The following XIST variants were observed in gnomAD, a reference collection of about 807,000 sequenced individuals.
XIST encodes X inactive specific transcript (non-protein coding).
intron 2 of XIST, among the ~76,000 whole-genome samples, chrX:73,835,523 T>G (rs1922467560): frequency 8.9e-6 from 1 of 112,281 alleles, no homozygotes; most frequent in Non-Finnish European, 1.9e-5. Context: ...TGCATTTTAG[T>G]TATCTATTAA....
At position 73,843,113 on chromosome X, in the gene XIST, A is replaced by G. The variant is rs779798010; in HGVS notation, n.9611T>C. On this transcript the variant is annotated non_coding_transcript_exon_variant, in exon 1 of 6. Transcript: ENST00000429829. ...GGTGGGGCGCTTGCTTAACAAGGTC[A>G]GGGAGGGAGAAAACCATTGATAACT... The G allele has an allele frequency of 9.0e-6, 5 of 558,387 alleles. No individual in the cohort carries two copies. The Admixed American group carries it at 1.1e-4, about 12-fold the overall frequency. The allele number at this position is 558,387 out of a possible 1,213,427, so 46.0% of individuals were successfully genotyped here.
chrX:73,831,418 C>T, intron 3 of XIST: 1 of 351,363 alleles, frequency 2.8e-6, no homozygotes, highest in Non-Finnish European at 4.9e-6. Flanking sequence ...TTGTGCGGAG[C>T]TGTTATATTC....
intron 1 of XIST, among the ~76,000 whole-genome samples, chrX:73,839,072 C>A (rs758121817): frequency 1.8e-5 from 2 of 111,495 alleles, no homozygotes; most frequent in African/African-American, 6.5e-5. Context: ...AATATTTTAG[C>A]AGTCAACAAA....
At chrX:73,827,319 G>A (rs1285740149) in exon 6 of XIST, 1 of 558,385 alleles carries the variant, frequency 1.8e-6, no homozygotes, top group South Asian at 2.2e-5. Context: ...GCCCACATAT[G>A]CAAAGAAATA....
intron 1 of XIST, among the ~76,000 whole-genome samples, chrX:73,839,074 G>A (rs1922541105): frequency 9.0e-6 from 1 of 111,425 alleles, no homozygotes; most frequent in Non-Finnish European, 1.9e-5. Context: ...TATTTTAGCA[G>A]TCAACAAAGG....
chrX:73,845,297 G>A (rs1223545635), exon 1 of XIST: 1 of 555,106 alleles, frequency 1.8e-6, no homozygotes, highest in South Asian at 2.2e-5. Flanking sequence ...ACACATAACA[G>A]GCCAGGAAAA....
At chrX:73,842,406 G>A (rs757733330) in exon 1 of XIST, 1 of 548,818 alleles carries the variant, frequency 1.8e-6, no homozygotes, top group East Asian at 3.3e-5. Context: ...CTTGCCTTCA[G>A]TATTTTGCAC....
exon 6 of XIST, chrX:73,826,252 T>C (rs758522324): frequency 1.8e-6 from 1 of 559,164 alleles, no homozygotes; most frequent in Non-Finnish European, 3.2e-6. Flanking sequence ...CACTTTTTTT[T>C]CCCCAACAAC....
exon 1 of XIST, chrX:73,850,399 A>G (rs1230992046): frequency 1.9e-6 from 1 of 538,446 alleles, no homozygotes; most frequent in Admixed American, 2.4e-5. Flanking sequence ...CTCTTAATAC[A>G]TTTCTATAAT....
At chrX:73,849,029 C>T in exon 1 of XIST, 1 of 558,892 alleles carries the variant, frequency 1.8e-6, no homozygotes, top group Non-Finnish European at 3.2e-6. Flanking sequence ...AAGATGTTTG[C>T]AAAGGCCATA....
exon 6 of XIST, chrX:73,827,621 G>T: frequency 1.8e-6 from 1 of 550,280 alleles, no homozygotes; most frequent in Non-Finnish European, 3.3e-6. Context: ...TAAAACGAAC[G>T]AGAAGGGGAA....
At chrX:73,838,169 A>T (rs1823094607) in intron 1 of XIST, among the ~76,000 whole-genome samples, 1 of 111,232 alleles carries the variant, frequency 9.0e-6, no homozygotes, top group Non-Finnish European at 1.9e-5. Context: ...TTCAATGCCA[A>T]TCACACTAAC....
chrX:73,848,954 T>C (rs755675148), exon 1 of XIST: 50 of 555,822 alleles, frequency 9.0e-5, no homozygotes, highest in Non-Finnish European at 1.4e-4. Context: ...ATAATTACTA[T>C]TGTATCCATT....
chrX:73,837,387 C>T (rs1922503944), intron 2 of XIST: 1 of 463,094 alleles, frequency 2.2e-6, no homozygotes, highest in Non-Finnish European at 3.8e-6. Flanking sequence ...GACCATTAGT[C>T]CTCAAAACTG....
chrX:73,843,404 G>C lies in XIST; in HGVS notation n.9320C>G, dbSNP rs905517080. 5.4e-5 allele frequency: 30 copies of C among 556,862 alleles called. No individual in the cohort carries two copies. In the African/African-American group the frequency reaches 6.3e-4, roughly 12 times the overall value. 45.9% of individuals were successfully genotyped at this position (556,862 alleles called of 1,213,427 possible). A position where few individuals can be genotyped will look rare whatever the true frequency, so the allele number is the denominator to read the frequency against. ...AATTGTCCAAGAGCTGAGATTATGA[G>C]TAGTTAACACTTCTCAGCAGCAATC... On this transcript the variant is annotated non_coding_transcript_exon_variant, in exon 1 of 6. Coordinates refer to ENST00000429829, the Ensembl canonical transcript of XIST.
intron 1 of XIST, among the ~76,000 whole-genome samples, chrX:73,838,290 C>T (rs115824188): frequency 0.01 from 1,160 of 110,994 alleles, 17 homozygotes; most frequent in African/African-American, 0.036. Flanking sequence ...AGTCATATCC[C>T]TATTTTTAAA....
At chrX:73,850,824 T>C (rs1398205923) in exon 1 of XIST, 1 of 505,391 alleles carries the variant, frequency 2.0e-6, no homozygotes, top group African/African-American at 2.5e-5. Flanking sequence ...TGGAGGGAGG[T>C]TCAGACCACA....
exon 4 of XIST, chrX:73,831,257 T>G (rs1242497595): frequency 2.2e-5 from 12 of 539,895 alleles, no homozygotes; most frequent in African/African-American, 1.4e-4. Flanking sequence ...ACAACAAGCC[T>G]ATTCTTCTGA....
At chrX:73,849,975 G>A (rs758439155) in exon 1 of XIST, 2 of 557,336 alleles carry the variant, frequency 3.6e-6, no homozygotes, top group South Asian at 2.2e-5. Context: ...AGGATACAAC[G>A]AAAAATTGAA....
Sources: gnomAD v4.1 joint callset for allele counts (sites outside exome capture counted in the v4.1 genomes callset) on GRCh38, gnomAD v4.1.1 for gene constraint, MANE v1.5 for transcripts, NCBI Gene and HGNC (gene_info 2026-07-23, HGNC 2026-07-21) for gene names.